Variants in CCDC159 observed in about 807,000 individuals in gnomAD.
The protein encoded by CCDC159 is coiled-coil domain containing 159.
In CCDC159, 40 loss-of-function variants were observed where a neutral mutation model predicts 50.9. The ratio of observed to expected loss-of-function variants is 0.79; its 90% CI spans 0.61 to 1.02. The LOEUF is 1.02. CCDC159 is among the 50% of genes least tolerant of loss of function. CCDC159 has a pLI of 0.00. For synonymous variants in CCDC159, 146 were observed against 138.9 expected (o/e 1.05, Z -0.36); for missense variants, 356 against 371.5 (o/e 0.96, Z 0.34).
chr19:11,354,888 C>A lies in CCDC159; in HGVS notation c.*11C>A. On this transcript the variant is annotated 3_prime_UTR_variant, in exon 11 of 11. Coordinates refer to ENST00000458408, the MANE Select transcript of CCDC159 (RefSeq NM_001080503.3). Reference sequence around the variant, plus strand: ...CTCTCCACAGCTTGAGCAGCCGGGACTGCTCTCCCTGAAGACCCCTCCAGA... The same window carrying A: ...CTCTCCACAGCTTGAGCAGCCGGGAATGCTCTCCCTGAAGACCCCTCCAGA... 1.2e-6 allele frequency: 2 copies of A among 1,613,630 alleles called. No individual in the cohort carries two copies. Among genetic ancestry groups the A allele is most frequent in the Non-Finnish European group, 1.7e-6 (2 of 1,179,822 alleles).
chr19:11,349,890 C>G (rs1432889224), intron 2 of CCDC159, 48 bp from the exon 3 acceptor site: 38 of 1,581,426 alleles, frequency 2.4e-5, no homozygotes, highest in Non-Finnish European at 3.1e-5. Context: ...GCCCTTGCCC[C>G]AGACCCCACC....
chr19:11,353,681 C>G, intron 8 of CCDC159, 109 bp downstream of exon 8: 1 of 1,564,342 alleles, frequency 6.4e-7, no homozygotes, highest in Non-Finnish European at 8.7e-7. Flanking sequence ...CCAGACTTCC[C>G]TCACCCCCTA....
chr19:11,354,053 T>C (rs1420966211), intron 9 of CCDC159, among the ~76,000 whole-genome samples, 179 bp downstream of exon 9: 1 of 152,186 alleles, frequency 6.6e-6, no homozygotes, highest in Non-Finnish European at 1.5e-5. Context: ...GAGTCATTCA[T>C]GGTCACATTC....
intron 1 of CCDC159, chr19:11,348,224 T>C (rs1471916228): frequency 3.6e-5 from 16 of 446,790 alleles, no homozygotes; most frequent in African/African-American, 2.6e-4. Flanking sequence ...TTTTTTTTCT[T>C]TGGGGCCTTC....
Position 11,351,944 on chromosome 19 carries a change from A to G in CCDC159, c.461A>G (p.Glu154Gly). ...TGGGAGGAGCTGGAACTGGTGCGGG[A>G]GGAGGTGACCTTCATCTATCAGAAG... Reference protein sequence around the residue: ...FLWEELELVREEVTFIYQKLQ... With the variant: ...FLWEELELVRGEVTFIYQKLQ... The change falls in exon 6 of 11, where the codon GAG (glutamate) becomes GGG (glycine). Residue 154 changes from glutamate (E) to glycine (G), a missense_variant. By Grantham distance (98) the Glu-to-Gly change is moderately conservative (BLOSUM62 -2). Transcript: ENST00000458408. The G allele has an allele frequency of 6.2e-7, 1 of 1,605,688 alleles. No individual in the cohort carries two copies. Among genetic ancestry groups the G allele is most frequent in the Non-Finnish European group, 8.5e-7 (1 of 1,176,528 alleles).
At chr19:11,350,718 A>G in intron 4 of CCDC159, 90 bp from the exon 5 acceptor site, 1 of 1,313,094 alleles carries the variant, frequency 7.6e-7, no homozygotes, top group South Asian at 1.5e-5. Context: ...GGTGAGGGAA[A>G]TTGGGAGAGT....
chr19:11,346,531 G>C lies in CCDC159; in HGVS notation c.-76G>C. ...CACCCCTCTCTGTGACTCAGTCTCT[G>C]AGCGTTTTAATACGATGGTGTCCCC... On this transcript the variant is annotated 5_prime_UTR_variant, in exon 1 of 11. Coordinates refer to ENST00000458408, the MANE Select transcript of CCDC159 (RefSeq NM_001080503.3). 2 of 1,516,620 alleles carry C rather than the reference G, an allele frequency of 1.3e-6. No individual in the cohort carries two copies. Among genetic ancestry groups the C allele is most frequent in the East Asian group, 2.5e-5 (1 of 40,672 alleles). 93.9% of individuals were successfully genotyped at this position (1,516,620 alleles called of 1,614,324 possible).
chr19:11,354,790 T>C (rs769109822), intron 10 of CCDC159, 83 bp from the exon 11 acceptor site: 21 of 1,610,064 alleles, frequency 1.3e-5, no homozygotes, highest in Non-Finnish European at 1.8e-5. Flanking sequence ...GCCCAGATCC[T>C]GATCTGGGCA....
intron 9 of CCDC159, among the ~76,000 whole-genome samples, chr19:11,354,376 C>T (rs536298365): frequency 2.6e-5 from 4 of 151,528 alleles, no homozygotes; most frequent in African/African-American, 4.9e-5. Context: ...GGCAACAGAG[C>T]GAGACCCCAT....
At chr19:11,349,124 C>T in intron 1 of CCDC159, 1 of 1,351,414 alleles carries the variant, frequency 7.4e-7, no homozygotes, top group Admixed American at 1.9e-5. Context: ...TGCCCCCTCC[C>T]CCAGTCCAGA....
At chr19:11,347,786 A>T (rs1967338832) in intron 1 of CCDC159, among the ~76,000 whole-genome samples, 1 of 152,242 alleles carries the variant, frequency 6.6e-6, no homozygotes, top group Non-Finnish European at 1.5e-5. Flanking sequence ...TTCTCCAGGC[A>T]GACCTGCCCC....
intron 1 of CCDC159, among the ~76,000 whole-genome samples, chr19:11,347,666 T>G (rs887129643): frequency 1.3e-5 from 2 of 151,996 alleles, no homozygotes; most frequent in African/African-American, 4.8e-5. Flanking sequence ...GTCTTCCAGG[T>G]CGACTGAATC....
rs1444652174 is a variant in CCDC159 at position 11,350,196 on chromosome 19, G to C, written c.223G>C (p.Glu75Gln). 1.9e-6 allele frequency: 3 copies of C among 1,609,506 alleles called. No homozygotes were observed. The highest frequency in any genetic ancestry group is 4.5e-5 in the East Asian group (2 of 44,792). The change falls in exon 4 of 11, where the codon GAA becomes CAA. Residue 75 changes from glutamate to glutamine, a missense_variant. Physicochemically the swap from Glu to Gln is conservative, Grantham distance 29 (BLOSUM62 2). Coordinates refer to ENST00000458408, the MANE Select transcript of CCDC159 (RefSeq NM_001080503.3). ...CLQQIKIQQL[E>Q]EVLSPTGRQG... ...GCAGCAAATCAAGATTCAGCAGCTT[G>C]AAGGTGAGGACTGACCAGAGATCAA...
rs550009750 is a variant in CCDC159 at position 11,353,490 on chromosome 19, G to A, written c.607G>A (p.Ala203Thr). 72 of 1,605,724 alleles carry A rather than the reference G, an allele frequency of 4.5e-5. No individual in the cohort carries two copies. Among genetic ancestry groups the A allele is most frequent in the Admixed American group, 8.5e-5 (5 of 58,574 alleles). Reference protein sequence around the residue: ...KMKQQGHETAACPETEEIPQG... With the variant: ...KMKQQGHETATCPETEEIPQG... ...GAAGCAGCAGGGTCATGAGACAGCC[G>A]CCTGTCCGGAGACTGAAGAGATACC... is the stretch of plus-strand genomic sequence containing the variant. Residue 203 changes from alanine to threonine, a missense_variant, in exon 8 of 11, where the codon GCC becomes ACC. Coordinates refer to ENST00000458408, the MANE Select transcript of CCDC159 (RefSeq NM_001080503.3).
chr19:11,352,817 G>A (rs1001168866), intron 7 of CCDC159, among the ~76,000 whole-genome samples: 116 of 152,158 alleles, frequency 7.6e-4, no homozygotes, highest in African/African-American at 2.7e-3. Flanking sequence ...TGTAGACTTA[G>A]CTACTCAGAA....
chr19:11,353,298 C>A (rs1428661634), intron 7 of CCDC159, 153 bp from the exon 8 acceptor site: 20 of 691,498 alleles, frequency 2.9e-5, no homozygotes, highest in Non-Finnish European at 3.9e-5. Flanking sequence ...GATGCGGTTT[C>A]ACTGTGTTAG....
chr19:11,346,775 A>C, intron 1 of CCDC159, 148 bp downstream of exon 1: 1 of 904,060 alleles, frequency 1.1e-6, no homozygotes, highest in Non-Finnish European at 1.7e-6. Context: ...GGGAGAGAGG[A>C]GGCACTACTG....
At chr19:11,348,335 C>A (rs767430322) in intron 1 of CCDC159, among the ~76,000 whole-genome samples, 3 of 152,202 alleles carry the variant, frequency 2.0e-5, no homozygotes, top group Non-Finnish European at 4.4e-5. Context: ...GTTGCTGAGG[C>A]TGGAGTGCAG....
rs537668849 is a variant in CCDC159, at chr19:11,354,617, C to A, written c.810C>A (p.Pro270=). 5 of 1,601,780 alleles carry A rather than the reference C, an allele frequency of 3.1e-6. No individual in the cohort carries two copies. In the East Asian group the frequency reaches 1.1e-4, roughly 36 times the overall value. The change falls in exon 10 of 11, where the codon CCC becomes CCA. Residue 270 remains proline, a synonymous_variant. Transcript: ENST00000458408. Reference sequence around the variant, plus strand: ...ACCAGTGCCTGAGCCCTCCACTCCCCTCCTGGGACTCTGACTCCGACTGTG... The same window carrying A: ...ACCAGTGCCTGAGCCCTCCACTCCCATCCTGGGACTCTGACTCCGACTGTG... ...KGHQCLSPPL[P]SWDSDSDCDQ...
Sources: gnomAD v4.1 joint callset for allele counts (sites outside exome capture counted in the v4.1 genomes callset) on GRCh38, gnomAD v4.1.1 for gene constraint, MANE v1.5 for transcripts, NCBI Gene and HGNC (gene_info 2026-07-23, HGNC 2026-07-21) for gene names.